Variants in SAMD3 observed in about 807,000 individuals in gnomAD.
SAMD3 encodes sterile alpha motif domain-containing protein 3.
SAMD3 carries 63 observed loss-of-function variants against 58.5 expected under a neutral mutation model. The ratio of observed to expected loss-of-function variants is 1.08; its 90% CI spans 0.88 to 1.33. The LOEUF is 1.33. SAMD3 is among the 40% of genes most tolerant of loss of function. SAMD3 has a pLI of 0.00. For missense variants in SAMD3, 604 were observed against 608.4 expected (o/e 0.99, Z 0.08); for synonymous variants, 220 against 210.3 (o/e 1.05, Z -0.40).
chr6:130,157,592 G>A (rs924932118), intron 8 of SAMD3, among the ~76,000 whole-genome samples: 1 of 152,142 alleles, frequency 6.6e-6, no homozygotes, highest in East Asian at 1.9e-4. Flanking sequence ...CTCCCAAATT[G>A]TTGGGATTAC....
At position 130,184,179 on chromosome 6, in the gene SAMD3, C is replaced by T; in HGVS notation, c.578G>A (p.Ser193Asn). The T allele has an allele frequency of 6.2e-7, 1 of 1,606,022 alleles. No individual in the cohort carries two copies. ...AACCACGTCATTGTACTGCTGGGTG[C>T]TGGGGTACCTGTTCACCAAAACAAG... Reference protein sequence around the residue: ...TKYLEGSLYPSTQQYNDVVNA... With the variant: ...TKYLEGSLYPNTQQYNDVVNA... Residue 193 changes from serine to asparagine, a missense_variant, in exon 7 of 12, where the codon AGC (serine) becomes AAC (asparagine). Physicochemically the swap from Ser to Asn is conservative, Grantham distance 46. Coordinates refer to ENST00000439090, the MANE Select transcript of SAMD3 (RefSeq NM_001017373.4).
chr6:130,284,552 T>C (rs920441236), intron 2 of SAMD3, among the ~76,000 whole-genome samples: 50 of 152,170 alleles, frequency 3.3e-4, no homozygotes, highest in Non-Finnish European at 1.5e-4. Flanking sequence ...GAATGTCATA[T>C]GAGCAAAATT....
At chr6:130,181,500 T>G (rs1792328290) in intron 7 of SAMD3, among the ~76,000 whole-genome samples, 1 of 152,216 alleles carries the variant, frequency 6.6e-6, no homozygotes, top group African/African-American at 2.4e-5. Context: ...TAAGCAATTT[T>G]GCACACATCT....
intron 2 of SAMD3, among the ~76,000 whole-genome samples, chr6:130,255,818 G>C (rs1198176236): frequency 6.6e-6 from 1 of 150,400 alleles, no homozygotes. Context: ...TAAAAGTAAA[G>C]TTAGTCTCAT....
chr6:130,214,272 C>T lies in SAMD3; in HGVS notation c.269+65G>A, dbSNP rs529778314. The T allele has an allele frequency of 2.3e-6, 3 of 1,332,182 alleles. No homozygotes were observed. In the Admixed American group the frequency reaches 7.9e-5, roughly 35 times the overall value. The allele number at this position is 1,332,182 out of a possible 1,614,324, so 82.5% of individuals were successfully genotyped here. A position where few individuals can be genotyped will look rare whatever the true frequency, so the allele number is the denominator to read the frequency against. ...TTCCAAGGGCTTTAAACCCAAACGT[C>T]ACGCTCTAGCCATCATTGGGAAAGC... On this transcript the variant is annotated intron_variant, in intron 4 of 11. Transcript: ENST00000439090.
intron 1 of SAMD3, among the ~76,000 whole-genome samples, chr6:130,320,796 TC>T (rs1776558815): frequency 6.6e-6 from 1 of 152,224 alleles, no homozygotes; most frequent in Non-Finnish European, 1.5e-5. Context: ...TACACACTGA[TC>T]TATAGTGATA....
At chr6:130,197,636 C>T (rs1794265053) in intron 5 of SAMD3, among the ~76,000 whole-genome samples, 1 of 152,092 alleles carries the variant, frequency 6.6e-6, no homozygotes, top group Non-Finnish European at 1.5e-5. Context: ...CACCCCTTAC[C>T]ACAAAATCTC....
At chr6:130,250,736 TA>T (rs1773710109) in intron 2 of SAMD3, among the ~76,000 whole-genome samples, 1 of 152,208 alleles carries the variant, frequency 6.6e-6, no homozygotes, top group South Asian at 2.1e-4. Flanking sequence ...ATAATGGTTT[TA>T]AGGTTCATTC....
chr6:130,256,038 A>T (rs1773917986), intron 2 of SAMD3, among the ~76,000 whole-genome samples: 2 of 150,514 alleles, frequency 1.3e-5, no homozygotes, highest in East Asian at 1.9e-4. Flanking sequence ...TTGTGGTTTG[A>T]TGGTTTTTTG....
intron 5 of SAMD3, among the ~76,000 whole-genome samples, chr6:130,208,893 G>A (rs1347403525): frequency 6.6e-6 from 1 of 152,034 alleles, no homozygotes; most frequent in Non-Finnish European, 1.5e-5. Context: ...CTATTCTAGG[G>A]GATGCCGTGA....
intron 2 of SAMD3, among the ~76,000 whole-genome samples, chr6:130,288,915 GAC>G (rs1775267915): frequency 6.6e-6 from 1 of 152,132 alleles, no homozygotes; most frequent in Admixed American, 6.5e-5. Context: ...TTCAAGTATT[GAC>G]ACAGTATTGC....
chr6:130,181,337 C>T (rs1792316731), intron 7 of SAMD3, among the ~76,000 whole-genome samples: 1 of 152,154 alleles, frequency 6.6e-6, no homozygotes, highest in Non-Finnish European at 1.5e-5. Context: ...CCCCTGCCTC[C>T]CATTAATGTT....
intron 7 of SAMD3, among the ~76,000 whole-genome samples, chr6:130,180,740 G>A (rs1322384593): frequency 6.6e-6 from 1 of 152,038 alleles, no homozygotes; most frequent in Non-Finnish European, 1.5e-5. Flanking sequence ...TGGACAGAGT[G>A]CTACTCACAC....
At chr6:130,232,719 A>G (rs1321337563) in intron 2 of SAMD3, among the ~76,000 whole-genome samples, 2 of 152,136 alleles carry the variant, frequency 1.3e-5, no homozygotes, top group Admixed American at 1.3e-4. Flanking sequence ...TACCTGGTTC[A>G]TAAAACTGAG....
At chr6:130,290,226 T>C (rs923399636) in intron 2 of SAMD3, among the ~76,000 whole-genome samples, 1 of 152,152 alleles carries the variant, frequency 6.6e-6, no homozygotes. Context: ...TTATGCGGAC[T>C]GGCAAGTCTG....
At chr6:130,250,290 G>A (rs568276066) in intron 2 of SAMD3, among the ~76,000 whole-genome samples, 90 of 152,074 alleles carry the variant, frequency 5.9e-4, no homozygotes, top group Non-Finnish European at 8.7e-4. Flanking sequence ...CCTATTCTAC[G>A]TTATCAAAAC....
intron 8 of SAMD3, among the ~76,000 whole-genome samples, chr6:130,155,603 A>C (rs370994578): frequency 1.1e-4 from 17 of 152,304 alleles, no homozygotes; most frequent in African/African-American, 3.9e-4. Flanking sequence ...AATCTAAGAC[A>C]ATCAGCTTTG....
chr6:130,324,253 T>C (rs79697753), intron 1 of SAMD3, among the ~76,000 whole-genome samples: 94 of 152,350 alleles, frequency 6.2e-4, no homozygotes, highest in Admixed American at 8.5e-4. Context: ...TCGAGATCAT[T>C]AGGTCAACCC....
chr6:130,328,005 C>G (rs1776810100), intron 1 of SAMD3, among the ~76,000 whole-genome samples: 1 of 152,150 alleles, frequency 6.6e-6, no homozygotes, highest in Non-Finnish European at 1.5e-5. Flanking sequence ...GCCAAGAAGG[C>G]TCTAACTCTC....
Sources: gnomAD v4.1 joint callset for allele counts (sites outside exome capture counted in the v4.1 genomes callset) on GRCh38, gnomAD v4.1.1 for gene constraint, MANE v1.5 for transcripts, NCBI Gene and HGNC (gene_info 2026-07-23, HGNC 2026-07-21) for gene names.